TRRAP: variants seen among roughly 807,000 people sequenced by gnomAD.
TRRAP encodes the protein transformation/transcription domain associated protein.
A neutral mutation model predicts 438.8 loss-of-function variants in TRRAP; 41 were observed. The ratio of observed to expected loss-of-function variants is 0.09; its 90% CI spans 0.07 to 0.12. The LOEUF (loss-of-function observed/expected upper bound fraction) is 0.12, where lower values mean the gene tolerates loss of function less well. Among genes scored for constraint, TRRAP ranks in the 10% least tolerant of loss-of-function variants. TRRAP has a pLI of 1.00. For synonymous variants in TRRAP, 1,994 were observed against 1,962.9 expected, an observed-to-expected ratio of 1.02 and a Z score of -0.42; for missense variants, 3,122 against 5,055.1, an observed-to-expected ratio of 0.62 and a Z score of 11.60.
At position 99,005,880 on chromosome 7, in the gene TRRAP, G is replaced by A. The variant is rs115849747; in HGVS notation, c.10753+532G>A. Among the ~76,000 whole-genome samples, 1,748 of 152,024 alleles carry A rather than the reference G, an allele frequency of 0.011. 28 individuals carry two copies. The highest frequency in any genetic ancestry group is 0.039 in the African/African-American group (1,637 of 41,448). On this transcript the variant is annotated intron_variant, in intron 69 of 72. Transcript: ENST00000456197. This position sits in a 1 kb window ranked among gnomAD's most constrained non-coding sequence, Gnocchi z 5.1. ...TGCTGCCGGTTTTGCTTCTCCTCCC[G>A]GGAACCCAGGCTGCTGGGAGGAGAA...
chr7:98,914,699 A>C, intron 18 of TRRAP, among the ~76,000 whole-genome samples: 1 of 125,740 alleles, frequency 8.0e-6, no homozygotes, highest in African/African-American at 3.3e-5. Context: ...AGCCTGGGAG[A>C]CAGAGTGAGA....
At chr7:98,905,295 G>C (rs1796677177) in intron 12 of TRRAP, among the ~76,000 whole-genome samples, 1 of 152,176 alleles carries the variant, frequency 6.6e-6, no homozygotes, top group Non-Finnish European at 1.5e-5. Flanking sequence ...CAGTTACCTA[G>C]AGATGTGCAT....
At chr7:98,986,036 A>T (rs191706648) in intron 62 of TRRAP, among the ~76,000 whole-genome samples, 74 of 152,334 alleles carry the variant, frequency 4.9e-4, no homozygotes, top group African/African-American at 1.7e-3. Context: ...AAATAGAAGC[A>T]TACACTGTGT....
chr7:98,913,577 T>C (rs140266912), intron 18 of TRRAP, among the ~76,000 whole-genome samples: 4,712 of 152,232 alleles, frequency 0.031, 235 homozygotes, highest in African/African-American at 0.11. Context: ...TGTGAGCCAC[T>C]GCACCTGGCC....
intron 11 of TRRAP, among the ~76,000 whole-genome samples, chr7:98,902,283 A>AT (rs1280770473): frequency 1.3e-5 from 2 of 152,072 alleles, no homozygotes; most frequent in Admixed American, 1.3e-4. Context: ...TTTTTGTTTC[A>AT]TTTTTTCATG....
At chr7:98,957,444 G>A (rs1791669857) in intron 43 of TRRAP, among the ~76,000 whole-genome samples, 1 of 152,186 alleles carries the variant, frequency 6.6e-6, no homozygotes. Flanking sequence ...ACAATCCTTT[G>A]GAAGTAAAAA....
At chr7:99,008,763 G>A (rs866493308) in intron 70 of TRRAP, among the ~76,000 whole-genome samples, 34 of 152,196 alleles carry the variant, frequency 2.2e-4, no homozygotes, top group African/African-American at 7.0e-4. Context: ...TGTCGTGGAC[G>A]GTTTGTTATG....
In TRRAP at chr7:98,890,328, C is replaced by A. The variant is rs1345074733; in HGVS notation, c.151-7C>A. ...CTGAATGGGGTCTTTTATTTTTGCA[C>A]AATTAGAATGTCACGTCATCTCCTC... On this transcript the variant is annotated splice_region_variant and splice_polypyrimidine_tract_variant and intron_variant, in intron 3 of 72. Transcript: ENST00000456197. The A allele has an allele frequency of 1.3e-6, 2 of 1,516,148 alleles. No homozygotes were observed. Among genetic ancestry groups the A allele is most frequent in the Non-Finnish European group, 1.8e-6 (2 of 1,131,918 alleles). 93.9% of individuals were successfully genotyped at this position (1,516,148 alleles called of 1,614,324 possible).
intron 28 of TRRAP, 79 bp from the exon 29 acceptor site, chr7:98,937,077 A>G (rs1321243897): frequency 6.8e-7 from 1 of 1,465,696 alleles, no homozygotes; most frequent in Non-Finnish European, 9.1e-7. Flanking sequence ...AATAATAATA[A>G]TAAATAAATA....
At chr7:98,879,532 A>G (rs1274277361) in intron 1 of TRRAP, among the ~76,000 whole-genome samples, 3 of 151,642 alleles carry the variant, frequency 2.0e-5, no homozygotes, top group African/African-American at 7.3e-5. Flanking sequence ...GGATAGGGAG[A>G]GACCGTGATC....
chr7:98,878,996 C>T (rs1001287297), intron 1 of TRRAP, among the ~76,000 whole-genome samples: 12 of 152,066 alleles, frequency 7.9e-5, no homozygotes, highest in East Asian at 2.0e-4. Context: ...GGGCCTGTCC[C>T]TCCGGAGGCG....
At chr7:98,944,006 G>A (rs1331161711) in intron 31 of TRRAP, among the ~76,000 whole-genome samples, 2 of 152,182 alleles carry the variant, frequency 1.3e-5, no homozygotes, top group African/African-American at 2.4e-5. Flanking sequence ...AAACAGCCAA[G>A]TAAGCAAAAC....
At chr7:98,951,512 TAG>T (rs782549014) in intron 39 of TRRAP, among the ~76,000 whole-genome samples, 36 of 152,178 alleles carry the variant, frequency 2.4e-4, no homozygotes, top group Non-Finnish European at 4.4e-4. Flanking sequence ...CAGTTTGTGT[TAG>T]AGAGGGCTTT....
At chr7:98,893,118 A>G (rs1796047970) in intron 5 of TRRAP, among the ~76,000 whole-genome samples, 2 of 151,810 alleles carry the variant, frequency 1.3e-5, no homozygotes, top group South Asian at 4.2e-4. Flanking sequence ...TGCCTAGCTG[A>G]TTTTTGTATT....
In TRRAP at chr7:99,011,274, C is replaced by A. The variant is rs186031222; in HGVS notation, c.11142+19C>A. On this transcript the variant is annotated intron_variant, in intron 71 of 72. Coordinates refer to ENST00000456197, the MANE Select transcript of TRRAP (RefSeq NM_001375524.1). This position sits in a 1 kb window ranked among gnomAD's most constrained non-coding sequence, Gnocchi z 7.1. ...CGCTCAGGTAACCTGCTTTGAACAGCCAGATCCTCTCCTCGTGACATCGCC... is the reference window on the plus strand; with the variant it reads ...CGCTCAGGTAACCTGCTTTGAACAGACAGATCCTCTCCTCGTGACATCGCC... The A allele has an allele frequency of 3.7e-4, 605 of 1,613,614 alleles. 1 individual carries two copies. The highest frequency in any genetic ancestry group is 4.7e-4 in the Admixed American group (28 of 60,026).
intron 58 of TRRAP, among the ~76,000 whole-genome samples, chr7:98,980,900 C>CA (rs1236769385): frequency 1.1e-4 from 17 of 151,810 alleles, no homozygotes; most frequent in Non-Finnish European, 2.1e-4. Context: ...AAAAAATAAA[C>CA]AAAAATTAGC....
chr7:98,995,467 G>A (rs569644613), intron 67 of TRRAP, among the ~76,000 whole-genome samples: 1 of 152,066 alleles, frequency 6.6e-6, no homozygotes, highest in East Asian at 1.9e-4. Context: ...TGTGGATTCT[G>A]GGCATCGTAA....
At chr7:98,945,975 G>C in intron 33 of TRRAP, 25 bp downstream of exon 33, 1 of 1,437,694 alleles carries the variant, frequency 7.0e-7, no homozygotes, top group Non-Finnish European at 9.1e-7. Flanking sequence ...GGAGCTACAG[G>C]AGGGGGTTGT....
At chr7:98,945,577 G>A (rs1791013900) in intron 31 of TRRAP, among the ~76,000 whole-genome samples, 170 bp from the exon 32 acceptor site, 1 of 152,218 alleles carries the variant, frequency 6.6e-6, no homozygotes, top group Admixed American at 6.5e-5. Context: ...CATCGAAGGT[G>A]AAAGTGTGCT....
Sources: allele counts gnomAD v4.1 joint callset (sites outside exome capture counted in the v4.1 genomes callset), GRCh38; gene constraint gnomAD v4.1.1; non-coding constraint Gnocchi (gnomAD v3.1); transcripts MANE v1.5; gene names NCBI Gene and HGNC (gene_info 2026-07-23, HGNC 2026-07-21).